Variants in VPS35L observed in about 807,000 individuals in gnomAD.
The protein encoded by VPS35L is VPS35 endosomal protein sorting factor like.
A neutral mutation model predicts 133.0 loss-of-function variants in VPS35L; 83 were observed. That is an observed-to-expected ratio of 0.62 (90% CI 0.52 to 0.75). The LOEUF (loss-of-function observed/expected upper bound fraction) is 0.75, where lower values mean the gene tolerates loss of function less well. Among genes scored for constraint, VPS35L ranks in the 30% least tolerant of loss-of-function variants. The probability of loss-of-function intolerance (pLI) is 0.00; values close to 1 mark genes in which losing one functional copy is unlikely to be tolerated. For missense variants in VPS35L, 1,083 were observed against 1,206.8 expected (o/e 0.90, Z 1.52); for synonymous variants, 423 against 449.9 (o/e 0.94, Z 0.76).
intron 28 of VPS35L, among the ~76,000 whole-genome samples, chr16:19,686,738 C>G (rs1274716274): frequency 6.6e-6 from 1 of 152,234 alleles, no homozygotes; most frequent in Non-Finnish European, 1.5e-5. Flanking sequence ...GCCCTTTTCT[C>G]CTTCCCTCTA....
chr16:19,618,704 T>C (rs890369400), intron 14 of VPS35L, among the ~76,000 whole-genome samples: 1 of 152,198 alleles, frequency 6.6e-6, no homozygotes, highest in Admixed American at 6.5e-5. Context: ...TCTCTTTATC[T>C]GTAAAATGGG....
chr16:19,614,922 A>G (rs1411078676), intron 12 of VPS35L, among the ~76,000 whole-genome samples: 1 of 152,348 alleles, frequency 6.6e-6, no homozygotes, highest in East Asian at 1.9e-4. Flanking sequence ...TTTTTTAACA[A>G]TGAAGTCAGG....
At chr16:19,646,786 A>G (rs1973964935) in intron 23 of VPS35L, among the ~76,000 whole-genome samples, 1 of 152,046 alleles carries the variant, frequency 6.6e-6, no homozygotes, top group Admixed American at 6.6e-5. Context: ...CTGCCTTTTG[A>G]TGGGGGGTAG....
chr16:19,656,294 A>C (rs1205621001), intron 26 of VPS35L, among the ~76,000 whole-genome samples: 1 of 150,374 alleles, frequency 6.7e-6, no homozygotes, highest in Non-Finnish European at 1.5e-5. Context: ...AAGAAAAAAG[A>C]AAATGGGGGC....
chr16:19,572,191 G>A (rs769771965), intron 3 of VPS35L, among the ~76,000 whole-genome samples: 4 of 152,110 alleles, frequency 2.6e-5, no homozygotes, highest in Non-Finnish European at 5.9e-5. Flanking sequence ...AGGCTGAGGC[G>A]GGCGGATCAT....
intron 5 of VPS35L, 32 bp from the exon 6 acceptor site, chr16:19,579,020 C>T (rs1316669476): frequency 2.2e-5 from 35 of 1,606,684 alleles, no homozygotes; most frequent in Non-Finnish European, 2.7e-5. Flanking sequence ...ACGAGAAAAG[C>T]CACCTGTGTG....
intron 27 of VPS35L, among the ~76,000 whole-genome samples, chr16:19,674,319 G>A (rs1169005354): frequency 6.7e-6 from 1 of 148,256 alleles, no homozygotes; most frequent in Non-Finnish European, 1.5e-5. Context: ...AGTCTCCCAA[G>A]TAGCTGAGAC....
intron 16 of VPS35L, among the ~76,000 whole-genome samples, 162 bp from the exon 17 acceptor site, chr16:19,628,462 GAGCCTCTCAGTGT>G (rs139045312): frequency 6.6e-6 from 1 of 152,330 alleles, no homozygotes; most frequent in East Asian, 1.9e-4. Context: ...AACTCTGTGT[GAGCCTCTCAGTGT>G]AGCTGGGGCA....
intron 12 of VPS35L, among the ~76,000 whole-genome samples, chr16:19,611,542 C>T (rs1972720329): frequency 6.6e-6 from 1 of 152,154 alleles, no homozygotes; most frequent in Non-Finnish European, 1.5e-5. Context: ...TTTGCCTCTT[C>T]TGCATGACAG....
intron 7 of VPS35L, among the ~76,000 whole-genome samples, chr16:19,586,928 A>G (rs1186810531): frequency 6.6e-6 from 1 of 152,190 alleles, no homozygotes; most frequent in Non-Finnish European, 1.5e-5. Flanking sequence ...GCATTGCTAT[A>G]AAGAACTACC....
chr16:19,640,174 C>T lies in VPS35L; in HGVS notation c.1784+74C>T, dbSNP rs1038939796. On this transcript the variant is annotated intron_variant, in intron 21 of 30. Transcript: ENST00000417362. ...GAAACCTGTTGATAAAAAATCAGTT[C>T]TTGCACTTTGAGGCCGAGTGATGTG... 8 of 1,423,802 alleles carry T rather than the reference C, an allele frequency of 5.6e-6. No homozygotes were observed. In the African/African-American group the frequency reaches 1.1e-4, roughly 20 times the overall value. The allele number at this position is 1,423,802 out of a possible 1,614,324, so 88.2% of individuals were successfully genotyped here.
intron 27 of VPS35L, among the ~76,000 whole-genome samples, chr16:19,672,265 T>A (rs1013581908): frequency 3.3e-5 from 5 of 152,198 alleles, no homozygotes; most frequent in African/African-American, 1.2e-4. Context: ...TGGGCATTTT[T>A]AAAAGCCCCC....
At chr16:19,670,183 G>T (rs1974829133) in intron 27 of VPS35L, among the ~76,000 whole-genome samples, 1 of 152,142 alleles carries the variant, frequency 6.6e-6, no homozygotes. Context: ...TTGAGCAATT[G>T]GTCCTCTGGG....
At chr16:19,567,970 C>CA (rs35555593) in intron 2 of VPS35L, among the ~76,000 whole-genome samples, 4,026 of 113,108 alleles carry the variant, frequency 0.036, 79 homozygotes, top group Non-Finnish European at 0.051. Flanking sequence ...ACCCTGTCTC[C>CA]AAAAAAAAAA....
chr16:19,691,582 T>C, intron 29 of VPS35L, 111 bp downstream of exon 29: 1 of 801,630 alleles, frequency 1.2e-6, no homozygotes, highest in South Asian at 1.6e-5. Flanking sequence ...GTGAGTAATG[T>C]GTTTATGTGC....
chr16:19,605,424 A>C (rs1192100203), intron 9 of VPS35L, among the ~76,000 whole-genome samples: 2 of 152,052 alleles, frequency 1.3e-5, no homozygotes, highest in African/African-American at 4.8e-5. Flanking sequence ...TGTGCCCAGA[A>C]CCCTTCAGGG....
intron 7 of VPS35L, among the ~76,000 whole-genome samples, chr16:19,587,742 T>C (rs1971915108): frequency 6.6e-6 from 1 of 151,710 alleles, no homozygotes; most frequent in Non-Finnish European, 1.5e-5. Context: ...ATTTCTGGAC[T>C]CTCACTGTCA....
intron 10 of VPS35L, chr16:19,608,496 T>A: frequency 2.0e-6 from 1 of 510,678 alleles, no homozygotes; most frequent in East Asian, 3.1e-5. Flanking sequence ...TACGATGCCA[T>A]GTGTCAAGCA....
At chr16:19,695,683 G>A (rs1975881669) in intron 29 of VPS35L, among the ~76,000 whole-genome samples, 2 of 152,090 alleles carry the variant, frequency 1.3e-5, no homozygotes, top group Non-Finnish European at 2.9e-5. Context: ...GCATGGTGGT[G>A]TGCACCCTGA....
Sources: allele counts gnomAD v4.1 joint callset (sites outside exome capture counted in the v4.1 genomes callset), GRCh38; gene constraint gnomAD v4.1.1; transcripts MANE v1.5; gene names NCBI Gene and HGNC (gene_info 2026-07-23, HGNC 2026-07-21).